The following EVL variants were observed in gnomAD, a reference collection of about 807,000 sequenced individuals.
The protein encoded by EVL is Enah/Vasp-like.
In EVL, 21 loss-of-function variants were observed where a neutral mutation model predicts 59.6. The ratio of observed to expected loss-of-function variants is 0.35; its 90% CI spans 0.25 to 0.51. The LOEUF (loss-of-function observed/expected upper bound fraction) is 0.51. EVL is among the 20% of genes least tolerant of loss of function. The pLI is 0.97. For synonymous variants in EVL, 198 were observed against 203.5 expected (o/e 0.97, Z 0.23); for missense variants, 462 against 546.6 (o/e 0.85, Z 1.54).
chr14:100,022,148 A>G (rs1443208893), intron 1 of EVL, among the ~76,000 whole-genome samples: 1 of 152,094 alleles, frequency 6.6e-6, no homozygotes, highest in Non-Finnish European at 1.5e-5. Context: ...ACATGAATAT[A>G]AAGGGGGAAG....
intron 1 of EVL, among the ~76,000 whole-genome samples, chr14:100,027,391 T>C (rs75375674): frequency 8.5e-4 from 129 of 152,298 alleles, no homozygotes; most frequent in African/African-American, 3.0e-3. Context: ...TTATCCCTCT[T>C]TATTACCCTC....
chr14:100,095,969 C>T (rs1388983063), intron 2 of EVL, among the ~76,000 whole-genome samples: 2 of 152,182 alleles, frequency 1.3e-5, no homozygotes, highest in African/African-American at 2.4e-5. Context: ...CTCAGGTGAT[C>T]CGCCCACCTT....
At chr14:100,036,494 T>C (rs1566978093) in intron 1 of EVL, among the ~76,000 whole-genome samples, 1 of 152,174 alleles carries the variant, frequency 6.6e-6, no homozygotes, top group Non-Finnish European at 1.5e-5. Flanking sequence ...CAAGTTCTCA[T>C]GGCAGCCTTG....
At chr14:100,059,613 G>A (rs764324248) in intron 1 of EVL, among the ~76,000 whole-genome samples, 16 of 151,792 alleles carry the variant, frequency 1.1e-4, no homozygotes, top group Non-Finnish European at 2.1e-4. Flanking sequence ...TCTGGGAGAT[G>A]TTGCAGATCC....
intron 1 of EVL, among the ~76,000 whole-genome samples, chr14:100,047,943 A>G (rs552497046): frequency 6.6e-6 from 1 of 152,244 alleles, no homozygotes; most frequent in Admixed American, 6.5e-5. Flanking sequence ...ATTTTGGCCT[A>G]ATCCTCACAT....
intron 1 of EVL, among the ~76,000 whole-genome samples, chr14:100,038,771 G>GGT (rs61309441): frequency 0.029 from 4,114 of 140,972 alleles, 108 homozygotes; most frequent in African/African-American, 0.067. Context: ...TGTGCCCTGG[G>GGT]GTGTGTGTGT....
intron 1 of EVL, among the ~76,000 whole-genome samples, chr14:99,993,866 G>C (rs2060893256): frequency 6.6e-6 from 1 of 150,756 alleles, no homozygotes; most frequent in Admixed American, 6.6e-5. Context: ...TAATTTTTTT[G>C]TATTTTTAGT....
intron 2 of EVL, among the ~76,000 whole-genome samples, chr14:100,094,195 A>T (rs1486765452): frequency 6.6e-6 from 1 of 152,160 alleles, no homozygotes; most frequent in Non-Finnish European, 1.5e-5. Flanking sequence ...AACTTTGGAC[A>T]AGTCACTCAT....
chr14:99,991,320 T>A (rs1371422496), intron 1 of EVL, among the ~76,000 whole-genome samples: 1 of 152,210 alleles, frequency 6.6e-6, no homozygotes, highest in East Asian at 1.9e-4. Context: ...ACACACTCTT[T>A]GAGGCTGAAG....
chr14:100,135,798 G>A (rs1888743469), intron 8 of EVL, 107 bp from the exon 9 acceptor site: 1 of 972,772 alleles, frequency 1.0e-6, no homozygotes. Context: ...AGTCATATGT[G>A]TTCATTGGGA....
chr14:100,123,763 AGG>A (rs747051173), intron 4 of EVL, among the ~76,000 whole-genome samples, 161 bp downstream of exon 4: 1 of 152,198 alleles, frequency 6.6e-6, no homozygotes, highest in Admixed American at 6.5e-5. Flanking sequence ...AGGAAGAAAG[AGG>A]GGGCCGATGC....
At chr14:100,037,453 C>T (rs2061405333) in intron 1 of EVL, among the ~76,000 whole-genome samples, 1 of 152,236 alleles carries the variant, frequency 6.6e-6, no homozygotes, top group African/African-American at 2.4e-5. Context: ...TGAAAATACT[C>T]TTGCACCTAC....
intron 3 of EVL, among the ~76,000 whole-genome samples, chr14:100,112,504 G>T (rs1224854350): frequency 6.6e-6 from 1 of 152,240 alleles, no homozygotes; most frequent in East Asian, 1.9e-4. Context: ...GGCCTGCTTA[G>T]CCCGGCATGC....
intron 8 of EVL, among the ~76,000 whole-genome samples, chr14:100,134,079 C>T (rs779245128): frequency 3.9e-5 from 6 of 152,236 alleles, no homozygotes; most frequent in Non-Finnish European, 8.8e-5. Context: ...CTCGTTGTCT[C>T]CTGCCAGATC....
chr14:100,004,024 C>G (rs2060962754), intron 1 of EVL, among the ~76,000 whole-genome samples: 1 of 152,150 alleles, frequency 6.6e-6, no homozygotes, highest in Non-Finnish European at 1.5e-5. Flanking sequence ...GCCAACATGG[C>G]GAAAGCCCGT....
chr14:100,032,347 T>C (rs1418747925), intron 1 of EVL, among the ~76,000 whole-genome samples: 1 of 152,200 alleles, frequency 6.6e-6, no homozygotes, highest in Non-Finnish European at 1.5e-5. Context: ...TTCTTGTTTG[T>C]TGTCCTGGGC....
Position 100,079,274 on chromosome 14 carries a change from C to T in EVL, c.12-5413C>T, listed in dbSNP as rs185633548. ...GACAGATGCTTTTGCTTGGCAGTTACACTTTTTCTGAGAATAAATGGAGAG... is the reference window on the plus strand; with the variant it reads ...GACAGATGCTTTTGCTTGGCAGTTATACTTTTTCTGAGAATAAATGGAGAG... On this transcript the variant is annotated intron_variant, in intron 1 of 13. Transcript: ENST00000392920. 5.2e-3 allele frequency among the ~76,000 whole-genome samples: 795 copies of T among 152,342 alleles called. 2 individuals are homozygous for T. Among genetic ancestry groups the T allele is most frequent in the Middle Eastern group, 0.02 (6 of 294 alleles).
chr14:100,010,773 A>G (rs1257981039), intron 1 of EVL, among the ~76,000 whole-genome samples: 1 of 152,196 alleles, frequency 6.6e-6, no homozygotes, highest in Admixed American at 6.5e-5. Flanking sequence ...TTGGAAAGAA[A>G]AGGGTGACAG....
rs933010098 is a variant in EVL at position 100,108,019 on chromosome 14, A to G, written c.358+10361A>G. 2.6e-5 allele frequency: 4 copies of G among 152,160 alleles called. No individual in the cohort carries two copies. Among genetic ancestry groups the G allele is most frequent in the East Asian group, 1.9e-4 (1 of 5,198 alleles). 9.4% of individuals were successfully genotyped at this position (152,160 alleles called of 1,614,324 possible). On this transcript the variant is annotated intron_variant, in intron 3 of 13. Transcript: ENST00000392920. The surrounding 1 kb of genome is among the most constrained non-coding windows in gnomAD (Gnocchi z 4.1). ...GGAGCATAATGTATGTCCTTTTCCT[A>G]CTTGGTTTGCGTGTAATAACATCAT...
Sources: gnomAD v4.1 joint callset for allele counts (sites outside exome capture counted in the v4.1 genomes callset) on GRCh38, gnomAD v4.1.1 for gene constraint, Gnocchi (gnomAD v3.1) non-coding constraint, MANE v1.5 for transcripts, NCBI Gene and HGNC (gene_info 2026-07-23, HGNC 2026-07-21) for gene names.